The following ZNHIT6 variants were observed in gnomAD, a reference collection of about 807,000 sequenced individuals.
ZNHIT6 encodes the protein zinc finger HIT-type containing 6, also known as box C/D snoRNA protein 1.
A neutral mutation model predicts 57.2 loss-of-function variants in ZNHIT6; 45 were observed. That is an observed-to-expected ratio of 0.79 (90% CI 0.62 to 1.01). The LOEUF (loss-of-function observed/expected upper bound fraction) is 1.01, where lower values mean the gene tolerates loss of function less well. ZNHIT6 is among the 50% of genes least tolerant of loss of function. The probability of loss-of-function intolerance (pLI) is 0.00; values close to 1 mark genes in which losing one functional copy is unlikely to be tolerated. For synonymous variants in ZNHIT6, 188 were observed against 190.0 expected (o/e 0.99, Z 0.09); for missense variants, 528 against 567.3 (o/e 0.93, Z 0.70).
intron 7 of ZNHIT6, among the ~76,000 whole-genome samples, chr1:85,678,345 G>A (rs1661765872): frequency 6.6e-6 from 1 of 152,138 alleles, no homozygotes; most frequent in Admixed American, 6.5e-5. Context: ...TTTGACTCCA[G>A]ACTGCCTGGG....
At chr1:85,699,676 C>G (rs1662474012) in intron 5 of ZNHIT6, among the ~76,000 whole-genome samples, 1 of 152,110 alleles carries the variant, frequency 6.6e-6, no homozygotes, top group African/African-American at 2.4e-5. Context: ...AGTTTAAATA[C>G]ATTGTACTCT....
chr1:85,697,958 A>G (rs1390303813), intron 5 of ZNHIT6, among the ~76,000 whole-genome samples: 1 of 152,198 alleles, frequency 6.6e-6, no homozygotes, highest in Non-Finnish European at 1.5e-5. Flanking sequence ...TAGACCCTAC[A>G]AAGAGGTGAG....
intron 6 of ZNHIT6, 134 bp from the exon 7 acceptor site, chr1:85,678,915 G>A: frequency 2.1e-6 from 1 of 484,572 alleles, no homozygotes; most frequent in Non-Finnish European, 3.6e-6. Context: ...TATTACTCTT[G>A]GCAAAATAAA....
At chr1:85,700,387 A>G (rs577205704) in intron 5 of ZNHIT6, among the ~76,000 whole-genome samples, 1 of 152,350 alleles carries the variant, frequency 6.6e-6, no homozygotes, top group Non-Finnish European at 1.5e-5. Context: ...CTAAAAATGT[A>G]AGAAAACTGA....
chr1:85,655,804 C>T lies in ZNHIT6; in HGVS notation c.1373-1706G>A, dbSNP rs567876596. 3.3e-5 allele frequency among the ~76,000 whole-genome samples: 5 copies of T among 152,250 alleles called. No homozygotes were observed. In the East Asian group the frequency reaches 9.7e-4, roughly 29 times the overall value. On this transcript the variant is annotated intron_variant, in intron 9 of 9. Transcript: ENST00000370574. ...AATAGCTCTATCTTTTCCAGTTAAC[C>T]TTTTCCATTACTGAAAAGCAACAAA...
intron 8 of ZNHIT6, among the ~76,000 whole-genome samples, chr1:85,669,457 T>C (rs574917508): frequency 9.2e-5 from 14 of 152,286 alleles, no homozygotes; most frequent in African/African-American, 2.6e-4. Context: ...CCAAGAGAAA[T>C]AGCTCATACT....
intron 5 of ZNHIT6, among the ~76,000 whole-genome samples, chr1:85,681,734 T>A (rs1661878615): frequency 6.6e-6 from 1 of 152,168 alleles, no homozygotes; most frequent in African/African-American, 2.4e-5. Context: ...AACATCTATA[T>A]GATTTAGTAG....
chr1:85,697,239 G>A (rs1367942208), intron 5 of ZNHIT6, among the ~76,000 whole-genome samples: 7 of 151,980 alleles, frequency 4.6e-5, no homozygotes, highest in Non-Finnish European at 1.0e-4. Flanking sequence ...TAATGCATAA[G>A]CACTCTGTGT....
chr1:85,678,594 G>A, intron 7 of ZNHIT6, 107 bp downstream of exon 7: 4 of 733,160 alleles, frequency 5.5e-6, no homozygotes, highest in Non-Finnish European at 6.8e-6. Flanking sequence ...AAATGTGATA[G>A]AAAGTAAATT....
chr1:85,679,221 C>T (rs1169213042), intron 6 of ZNHIT6, among the ~76,000 whole-genome samples: 1 of 152,116 alleles, frequency 6.6e-6, no homozygotes, highest in Non-Finnish European at 1.5e-5. Flanking sequence ...TCCTTGGAAA[C>T]AAAACATTTT....
chr1:85,706,176 A>G lies in ZNHIT6; in HGVS notation c.830-13T>C. The G allele has an allele frequency of 6.2e-7, 1 of 1,612,854 alleles. No homozygotes were observed. The highest frequency in any genetic ancestry group is 8.5e-7 in the Non-Finnish European group (1 of 1,179,274). On this transcript the variant is annotated splice_polypyrimidine_tract_variant and intron_variant, in intron 3 of 9. Transcript: ENST00000370574. ...AAAAATCGATAATCTAAAAATTTCA[A>G]AACAGAAGAATAAACAAGTGACATA... is the stretch of plus-strand genomic sequence containing the variant.
rs143961627 is a variant in ZNHIT6, at chr1:85,667,761, T to C, written c.1247+9475A>G. ...CAGCCTGGCCACTATGGCAAAACCCTGTCTCTCTACAAAAATACAAAAATT... is the reference window on the plus strand; with the variant it reads ...CAGCCTGGCCACTATGGCAAAACCCCGTCTCTCTACAAAAATACAAAAATT... On this transcript the variant is annotated intron_variant, in intron 8 of 9. Coordinates refer to ENST00000370574, the MANE Select transcript of ZNHIT6 (RefSeq NM_017953.4). Among the ~76,000 whole-genome samples the C allele has an allele frequency of 6.1e-3, 913 of 150,260 alleles. 3 individuals carry two copies. Among genetic ancestry groups the C allele is most frequent in the Middle Eastern group, 0.018 (5 of 284 alleles).
intron 8 of ZNHIT6, among the ~76,000 whole-genome samples, chr1:85,658,937 T>C (rs1343000407): frequency 2.0e-5 from 3 of 152,018 alleles, no homozygotes; most frequent in Admixed American, 1.3e-4. Flanking sequence ...AAAAGAATGA[T>C]GAGCTAACTA....
intron 6 of ZNHIT6, among the ~76,000 whole-genome samples, chr1:85,680,196 A>T (rs532930992): frequency 6.6e-6 from 1 of 152,344 alleles, no homozygotes; most frequent in Non-Finnish European, 1.5e-5. Context: ...ACAGAGCAAG[A>T]TCCTGCCCCC....
At position 85,677,333 on chromosome 1, in the gene ZNHIT6, T is replaced by C. The variant is rs1400123964; in HGVS notation, c.1170-20A>G. 1.9e-6 allele frequency: 3 copies of C among 1,588,478 alleles called. No homozygotes were observed. Among genetic ancestry groups the C allele is most frequent in the East Asian group, 2.2e-5 (1 of 44,464 alleles). On this transcript the variant is annotated intron_variant, in intron 7 of 9. Coordinates refer to ENST00000370574, the MANE Select transcript of ZNHIT6 (RefSeq NM_017953.4). ...TTCAACCTGAAATAAAAACATCATA[T>C]TGAAGGAAAAGCTGATTTTTAATAT... is the stretch of plus-strand genomic sequence containing the variant.
chr1:85,687,299 C>CAAAAAAAAAAAAAAAAAAAA (rs55889012), intron 5 of ZNHIT6, among the ~76,000 whole-genome samples: 1 of 77,936 alleles, frequency 1.3e-5, no homozygotes, highest in Non-Finnish European at 2.3e-5. Context: ...AAAAAAAAAA[C>CAAAAAAAAAAAAAAAAAAAA]AAAAAAAAAA....
chr1:85,684,302 A>G (rs543367234), intron 5 of ZNHIT6, among the ~76,000 whole-genome samples: 3 of 152,286 alleles, frequency 2.0e-5, no homozygotes, highest in East Asian at 1.9e-4. Flanking sequence ...TCTGAGTCCT[A>G]TGAAACCCAA....
chr1:85,682,710 G>A (rs116273309), intron 5 of ZNHIT6, among the ~76,000 whole-genome samples: 6 of 152,112 alleles, frequency 3.9e-5, no homozygotes, highest in African/African-American at 1.4e-4. Context: ...TTTAAAATGT[G>A]ATCTTCCAAT....
intron 4 of ZNHIT6, among the ~76,000 whole-genome samples, chr1:85,705,126 G>A (rs566560933): frequency 6.6e-6 from 1 of 152,170 alleles, no homozygotes; most frequent in Non-Finnish European, 1.5e-5. Flanking sequence ...TTCACAAAGT[G>A]CAAGAGTGGT....
Sources: gnomAD v4.1 joint callset for allele counts (sites outside exome capture counted in the v4.1 genomes callset) on GRCh38, gnomAD v4.1.1 for gene constraint, MANE v1.5 for transcripts, NCBI Gene and HGNC (gene_info 2026-07-23, HGNC 2026-07-21) for gene names.